The following PKN2 variants were observed in gnomAD, a reference collection of about 807,000 sequenced individuals.
PKN2 encodes serine/threonine-protein kinase N2.
Under a neutral mutation model 119.1 loss-of-function variants are expected in PKN2, and 38 were observed. The observed-to-expected ratio is 0.32, with a 90% CI of 0.25 to 0.42. The LOEUF is 0.42. PKN2 is among the 10% of genes least tolerant of loss of function. The pLI, the probability that PKN2 is intolerant of heterozygous loss-of-function variation, is 1.00. For synonymous variants in PKN2, 390 were observed against 384.9 expected (o/e 1.01, Z -0.15); for missense variants, 850 against 1,165.1 (o/e 0.73, Z 3.94).
chr1:88,757,103 C>G (rs920313726), intron 2 of PKN2, among the ~76,000 whole-genome samples: 15 of 152,002 alleles, frequency 9.9e-5, no homozygotes, highest in Admixed American at 9.8e-4. Flanking sequence ...TTTTTTGGAG[C>G]AGCCCATTTG....
chr1:88,739,300 C>T (rs755962222), intron 1 of PKN2, among the ~76,000 whole-genome samples: 12 of 113,686 alleles, frequency 1.1e-4, no homozygotes, highest in South Asian at 7.2e-4. Flanking sequence ...GGCAAAATCC[C>T]ATCTCTACCA....
At chr1:88,780,993 A>G in intron 6 of PKN2, 5 of 673,366 alleles carry the variant, frequency 7.4e-6, no homozygotes, top group Non-Finnish European at 9.2e-6. Flanking sequence ...ACTCAAAGTT[A>G]TATAAGTCAC....
At position 88,760,313 on chromosome 1, in the gene PKN2, AG is replaced by A; in HGVS notation, c.442del (p.Glu148AsnfsTer4). The A allele has an allele frequency of 6.4e-7, 1 of 1,565,944 alleles. No individual in the cohort carries two copies. The highest frequency in any genetic ancestry group is 8.8e-7 in the Non-Finnish European group (1 of 1,137,800). On this transcript the variant is annotated frameshift_variant, in exon 3 of 22. Transcript: ENST00000370521. LOFTEE classifies it high-confidence loss of function. The part of the protein sequence containing the change: ...LKALQKQLDI[E>X]LKVKQGAENM... ...AGGCCTTACAAAAACAATTGGATAT[AG>A]AACTTAAAGTAAAACAAGGTGCAGA...
At chr1:88,736,431 T>G (rs1476376446) in intron 1 of PKN2, among the ~76,000 whole-genome samples, 1 of 152,100 alleles carries the variant, frequency 6.6e-6, no homozygotes, top group Non-Finnish European at 1.5e-5. Context: ...TGGAATGATC[T>G]CGGCTCTCTG....
intron 6 of PKN2, 77 bp from the exon 7 acceptor site, chr1:88,784,562 A>G (rs1047260314): frequency 1.0e-5 from 9 of 865,244 alleles, no homozygotes; most frequent in African/African-American, 5.2e-5. Context: ...CTTTTTTTGA[A>G]TAGGTAAGAG....
intron 15 of PKN2, among the ~76,000 whole-genome samples, chr1:88,810,634 T>G (rs534704235): frequency 3.9e-5 from 6 of 152,222 alleles, no homozygotes; most frequent in South Asian, 2.1e-4. Context: ...TGAGACAGAG[T>G]CTCACTCTAT....
At chr1:88,719,357 A>G (rs950971795) in intron 1 of PKN2, among the ~76,000 whole-genome samples, 2 of 152,194 alleles carry the variant, frequency 1.3e-5, no homozygotes, top group African/African-American at 2.4e-5. Flanking sequence ...AGCTCGGAGT[A>G]ACTAACAACT....
At chr1:88,737,380 G>A (rs1363080242) in intron 1 of PKN2, among the ~76,000 whole-genome samples, 3 of 151,954 alleles carry the variant, frequency 2.0e-5, no homozygotes, top group Non-Finnish European at 4.4e-5. Flanking sequence ...TTTGCCCAGT[G>A]TGGAGTCTTA....
intron 1 of PKN2, among the ~76,000 whole-genome samples, chr1:88,738,439 G>A (rs1668441416): frequency 6.6e-6 from 1 of 152,224 alleles, no homozygotes; most frequent in South Asian, 2.1e-4. Flanking sequence ...GATAACTGCA[G>A]GAGAAAGGAG....
At chr1:88,806,317 A>G in intron 12 of PKN2, 2 of 312,268 alleles carry the variant, frequency 6.4e-6, no homozygotes, top group Non-Finnish European at 1.2e-5. Flanking sequence ...TTACAGGCAC[A>G]TGCCACCATG....
intron 2 of PKN2, among the ~76,000 whole-genome samples, chr1:88,746,922 T>A (rs550426234): frequency 2.2e-4 from 34 of 152,278 alleles, no homozygotes; most frequent in African/African-American, 7.5e-4. Context: ...TATTCAGCCT[T>A]AAAGATGTAG....
intron 7 of PKN2, 40 bp from the exon 8 acceptor site, chr1:88,786,064 G>A: frequency 8.2e-7 from 1 of 1,216,092 alleles, no homozygotes. Flanking sequence ...TTTTATAAAG[G>A]TTTAAAGTTT....
chr1:88,832,882 TAA>T, intron 20 of PKN2, 31 bp downstream of exon 20: 1 of 1,350,020 alleles, frequency 7.4e-7, no homozygotes, highest in Non-Finnish European at 1.0e-6. Context: ...AAGAATTTTT[TAA>T]AGACTACTTT....
At chr1:88,751,547 A>G (rs1382803392) in intron 2 of PKN2, among the ~76,000 whole-genome samples, 2 of 152,148 alleles carry the variant, frequency 1.3e-5, no homozygotes, top group African/African-American at 2.4e-5. Flanking sequence ...TTGTTTGTCA[A>G]CTAGATTCTT....
intron 8 of PKN2, among the ~76,000 whole-genome samples, chr1:88,797,143 G>A (rs1426260556): frequency 6.6e-6 from 1 of 151,538 alleles, no homozygotes; most frequent in Non-Finnish European, 1.5e-5. Flanking sequence ...AGACCAGCCT[G>A]GCCAACATGG....
In PKN2 at chr1:88,722,590, G is replaced by A. The variant is rs12406005; in HGVS notation, c.49-18398G>A. On this transcript the variant is annotated intron_variant, in intron 1 of 21. Transcript: ENST00000370521. ...GGAGTTCAAGACCAGCCTGGGCAACGTAGCACAGTGAGACCCCATCTCTAC... is the reference window on the plus strand; with the variant it reads ...GGAGTTCAAGACCAGCCTGGGCAACATAGCACAGTGAGACCCCATCTCTAC... Among the ~76,000 whole-genome samples, 603 of 152,002 alleles carry A rather than the reference G, an allele frequency of 4.0e-3. 11 individuals are homozygous for A. The East Asian group carries it at 0.048, about 12-fold the overall frequency.
chr1:88,773,665 G>T (rs1030677413), intron 6 of PKN2, among the ~76,000 whole-genome samples: 2 of 152,158 alleles, frequency 1.3e-5, no homozygotes, highest in African/African-American at 2.4e-5. Context: ...TGTAGTCCCA[G>T]CTACTTGGGA....
rs142428733 is a variant in PKN2, at chr1:88,775,831, C to T, written c.985+3952C>T. 6.2e-3 allele frequency among the ~76,000 whole-genome samples: 943 copies of T among 152,236 alleles called. 11 individuals are homozygous for T. Among genetic ancestry groups the T allele is most frequent in the African/African-American group, 0.022 (902 of 41,538 alleles). ...ACAGAAATATTGGCTTCTGGCCAGG[C>T]GCAGTGGCTCACGCCTGTAATCTCA... On this transcript the variant is annotated intron_variant, in intron 6 of 21. Transcript: ENST00000370521.
chr1:88,820,212 ATATATATATATATATATATAT>A (rs1672203165), intron 16 of PKN2, among the ~76,000 whole-genome samples: 2 of 114,700 alleles, frequency 1.7e-5, no homozygotes, highest in Non-Finnish European at 1.7e-5. Context: ...ATATATATAT[ATATATATATATATATATATAT>A]AAATAGAAAA....
Sources: gnomAD v4.1 joint callset for allele counts (sites outside exome capture counted in the v4.1 genomes callset) on GRCh38, gnomAD v4.1.1 for gene constraint, MANE v1.5 for transcripts, NCBI Gene and HGNC (gene_info 2026-07-23, HGNC 2026-07-21) for gene names.